Variants in KIAA2012 observed in about 807,000 individuals in gnomAD.
KIAA2012 encodes the protein KIAA2012.
KIAA2012 carries 125 observed loss-of-function variants against 150.6 expected under a neutral mutation model. That is an observed-to-expected ratio of 0.83 (90% CI 0.72 to 0.96). The LOEUF (loss-of-function observed/expected upper bound fraction) is 0.96, where lower values mean the gene tolerates loss of function less well. KIAA2012 is among the 40% of genes least tolerant of loss of function. The probability of loss-of-function intolerance (pLI) is 0.00; values close to 1 mark genes in which losing one functional copy is unlikely to be tolerated. For missense variants in KIAA2012, 1,219 were observed against 1,354.9 expected (o/e 0.90, Z 1.57); for synonymous variants, 462 against 504.7 (o/e 0.92, Z 1.13).
At chr2:202,107,980 G>T (rs534308266) in intron 9 of KIAA2012, among the ~76,000 whole-genome samples, 1 of 152,252 alleles carries the variant, frequency 6.6e-6, no homozygotes, top group African/African-American at 2.4e-5. Flanking sequence ...CTGTACTCCA[G>T]CCTGGGCGAC....
At chr2:202,169,420 G>A (rs1691838054) in intron 15 of KIAA2012, among the ~76,000 whole-genome samples, 1 of 152,162 alleles carries the variant, frequency 6.6e-6, no homozygotes, top group South Asian at 2.1e-4. Context: ...GGAACCTACA[G>A]CCACCAGCCA....
chr2:202,180,037 T>C, intron 15 of KIAA2012: 1 of 440,208 alleles, frequency 2.3e-6, no homozygotes, highest in South Asian at 1.8e-5. Context: ...TTTGGGAGGC[T>C]AAGGTGGGAA....
chr2:202,173,443 C>T (rs1226618964), intron 15 of KIAA2012, among the ~76,000 whole-genome samples: 1 of 152,116 alleles, frequency 6.6e-6, no homozygotes, highest in Non-Finnish European at 1.5e-5. Context: ...GTGGCACGTG[C>T]CTGTAATCCC....
chr2:202,103,698 A>G (rs917177082), intron 8 of KIAA2012, among the ~76,000 whole-genome samples: 2 of 152,240 alleles, frequency 1.3e-5, no homozygotes, highest in African/African-American at 2.4e-5. Flanking sequence ...TTTGTAAGGG[A>G]TGACCTCTAT....
intron 12 of KIAA2012, among the ~76,000 whole-genome samples, chr2:202,131,352 G>A (rs1179242420): frequency 1.3e-5 from 2 of 152,040 alleles, no homozygotes; most frequent in East Asian, 3.9e-4. Context: ...TGTTGGCCAG[G>A]CTGGTCTCAA....
chr2:202,105,835 G>A lies in KIAA2012; in HGVS notation c.1399G>A (p.Ala467Thr), dbSNP rs1170531207. 6.4e-7 allele frequency: 1 copy of A among 1,550,764 alleles called. No individual in the cohort carries two copies. Among genetic ancestry groups the A allele is most frequent in the Non-Finnish European group, 8.7e-7 (1 of 1,147,030 alleles). The change falls in exon 9 of 24, where the codon GCG becomes ACG. Residue 467 changes from alanine to threonine, a missense_variant. Ala to Thr is a moderately conservative substitution (Grantham distance 58). Transcript: ENST00000498697. Reference protein sequence around the residue: ...TPVWRPPLKHASLETPWELTV... With the variant: ...TPVWRPPLKHTSLETPWELTV... ...TGTGTGGAGACCTCCCCTGAAGCATGCGTCCTTAGAAACACCATGGGAGTT... is the reference window on the plus strand; with the variant it reads ...TGTGTGGAGACCTCCCCTGAAGCATACGTCCTTAGAAACACCATGGGAGTT...
At chr2:202,116,498 G>T (rs185746214) in intron 11 of KIAA2012, 456 of 121,190 alleles carry the variant, frequency 3.8e-3, no homozygotes, top group Non-Finnish European at 5.8e-3. Context: ...TTGAGATGGG[G>T]TCTCCCTGTG....
intron 11 of KIAA2012, chr2:202,114,483 CACAGCTGGTGCA>C (rs1690462805): frequency 6.0e-6 from 1 of 167,152 alleles, no homozygotes; most frequent in Non-Finnish European, 1.5e-5. Flanking sequence ...GTCAGCATGA[CACAGCTGGTGCA>C]ACAGCTGGAA....
At chr2:202,131,668 TA>T (rs1248350531) in intron 12 of KIAA2012, among the ~76,000 whole-genome samples, 1 of 152,146 alleles carries the variant, frequency 6.6e-6, no homozygotes, top group Non-Finnish European at 1.5e-5. Context: ...AGAGGACACT[TA>T]AGCAGAGTTT....
chr2:202,151,451 G>A (rs140360874), intron 13 of KIAA2012, among the ~76,000 whole-genome samples: 2 of 151,952 alleles, frequency 1.3e-5, no homozygotes, highest in African/African-American at 4.8e-5. Context: ...AGACCACAGA[G>A]ATACCAGCTA....
chr2:202,155,176 C>G (rs1691499217), intron 14 of KIAA2012, among the ~76,000 whole-genome samples: 1 of 152,194 alleles, frequency 6.6e-6, no homozygotes, highest in African/African-American at 2.4e-5. Flanking sequence ...GTTGATATTA[C>G]TACTATAGAG....
chr2:202,093,352 T>G (rs1161019429), intron 4 of KIAA2012, among the ~76,000 whole-genome samples, 167 bp downstream of exon 4: 2 of 152,214 alleles, frequency 1.3e-5, no homozygotes, highest in Admixed American at 1.3e-4. Context: ...AATAGTGCTT[T>G]TCACAGTGAT....
chr2:202,105,981 G>A lies in KIAA2012; in HGVS notation c.1474+71G>A, dbSNP rs781021013. 2.6e-6 allele frequency: 4 copies of A among 1,549,900 alleles called. No individual in the cohort carries two copies. The East Asian group carries it at 9.8e-5, about 38-fold the overall frequency. On this transcript the variant is annotated intron_variant, in intron 9 of 23. Transcript: ENST00000498697. ...AGGGAAGCAAGGCAAGACACACAAG[G>A]GTCCACAGCCAAGGAAAAGGAGTCT...
At chr2:202,203,138 T>C (rs771618059) in intron 23 of KIAA2012, among the ~76,000 whole-genome samples, 19 of 152,118 alleles carry the variant, frequency 1.2e-4, no homozygotes, top group Non-Finnish European at 2.2e-4. Flanking sequence ...CCAGAAGCCT[T>C]GGTGCCTAAA....
At chr2:202,179,988 C>A in intron 15 of KIAA2012, 1 of 661,334 alleles carries the variant, frequency 1.5e-6, no homozygotes, top group Non-Finnish European at 2.6e-6. Context: ...TGGCTGCCAG[C>A]CGGGTGGGCG....
chr2:202,133,131 T>TATATATATATATATA (rs1491511228), intron 12 of KIAA2012, among the ~76,000 whole-genome samples: 1 of 83,652 alleles, frequency 1.2e-5, no homozygotes, highest in African/African-American at 4.1e-5. Context: ...TATATATATA[T>TATATATATATATATA]TTTTTTTTTT....
chr2:202,103,072 T>C lies in KIAA2012; in HGVS notation c.1282T>C (p.Tyr428His). ...CTTCATCTTACCGGTGGAGATTCATTACCACACCAAACAACCCCCAAAAGA... is the reference window on the plus strand; with the variant it reads ...CTTCATCTTACCGGTGGAGATTCATCACCACACCAAACAACCCCCAAAAGA... ...ELFILPVEIH[Y>H]HTKQPPKEKA... The change falls in exon 8 of 24, where the codon TAC becomes CAC. Residue 428 changes from tyrosine to histidine, a missense_variant. Coordinates refer to ENST00000498697, the MANE Select transcript of KIAA2012 (RefSeq NM_001277372.4). The C allele has an allele frequency of 6.4e-7, 1 of 1,550,504 alleles. No individual in the cohort carries two copies. The highest frequency in any genetic ancestry group is 8.7e-7 in the Non-Finnish European group (1 of 1,146,978).
At chr2:202,194,431 A>G (rs1359565656) in intron 21 of KIAA2012, 69 bp downstream of exon 21, 13 of 1,507,216 alleles carry the variant, frequency 8.6e-6, no homozygotes, top group South Asian at 1.3e-5. Context: ...TCCAGCTGTG[A>G]GTGTTCATTT....
chr2:202,125,755 T>G, intron 12 of KIAA2012: 2 of 406,858 alleles, frequency 4.9e-6, no homozygotes, highest in Non-Finnish European at 9.5e-6. Flanking sequence ...CTTTTCTATT[T>G]CATTTCCCCC....
Sources: gnomAD v4.1 joint callset for allele counts (sites outside exome capture counted in the v4.1 genomes callset) on GRCh38, gnomAD v4.1.1 for gene constraint, MANE v1.5 for transcripts, NCBI Gene and HGNC (gene_info 2026-07-23, HGNC 2026-07-21) for gene names.